RAPH1: variants seen among roughly 807,000 people sequenced by gnomAD.
RAPH1 encodes Ras association (RalGDS/AF-6) and pleckstrin homology domains 1, also known as ras-associated and pleckstrin homology domains-containing protein 1.
RAPH1 carries 18 observed loss-of-function variants against 88.1 expected under a neutral mutation model. The observed-to-expected ratio is 0.20, with a 90% CI of 0.14 to 0.30. The LOEUF (loss-of-function observed/expected upper bound fraction) is 0.30, where lower values mean the gene tolerates loss of function less well. RAPH1 is among the 10% of genes least tolerant of loss of function. RAPH1 has a pLI of 1.00. For synonymous variants in RAPH1, 587 were observed against 559.0 expected, an observed-to-expected ratio of 1.05 and a Z score of -0.71; for missense variants, 1,448 against 1,543.2, an observed-to-expected ratio of 0.94 and a Z score of 1.03.
intron 1 of RAPH1, among the ~76,000 whole-genome samples, chr2:203,528,995 A>ATTT (rs1559508240): frequency 2.5e-5 from 2 of 79,538 alleles, no homozygotes; most frequent in African/African-American, 1.4e-4. Flanking sequence ...ATATATATAT[A>ATTT]TATATATATA....
chr2:203,434,062 A>C lies in RAPH1; in HGVS notation c.*5375T>G, dbSNP rs201945070. On this transcript the variant is annotated 3_prime_UTR_variant, in exon 14 of 14. Coordinates refer to ENST00000319170, the MANE Select transcript of RAPH1 (RefSeq NM_213589.3). ...CATATATCTATCTATCTATCTATAT[A>C]TATATATATATATATATAGCTTTGC... 0.044 allele frequency: 6,451 copies of C among 148,212 alleles called. 160 individuals carry two copies. The highest frequency in any genetic ancestry group is 0.097 in the East Asian group (494 of 5,094). The allele number at this position is 148,212 out of a possible 1,614,324, so 9.2% of individuals were successfully genotyped here. A position where few individuals can be genotyped will look rare whatever the true frequency, so the allele number is the denominator to read the frequency against.
In RAPH1 at chr2:203,492,120, G is replaced by C. The variant is rs533737599; in HGVS notation, c.121-801C>G. On this transcript the variant is annotated intron_variant, in intron 2 of 13. Coordinates refer to ENST00000319170, the MANE Select transcript of RAPH1 (RefSeq NM_213589.3). ...ACAGTGGCGGGCGCCTGTAATCCCA[G>C]CTACTTGGCAGGCTGAGGCAGGAGA... 2.4e-4 allele frequency among the ~76,000 whole-genome samples: 37 copies of C among 151,882 alleles called. No homozygotes were observed. The East Asian group carries it at 6.8e-3, about 28-fold the overall frequency.
chr2:203,515,686 C>T (rs943610009), intron 1 of RAPH1, among the ~76,000 whole-genome samples: 2 of 152,150 alleles, frequency 1.3e-5, no homozygotes, highest in Non-Finnish European at 2.9e-5. Context: ...TAAATTATAT[C>T]CAACTTCTCA....
intron 13 of RAPH1, 88 bp downstream of exon 13, chr2:203,444,780 G>C (rs1275560810): frequency 8.2e-7 from 1 of 1,221,310 alleles, no homozygotes; most frequent in African/African-American, 1.5e-5. Context: ...GGCCAAATAA[G>C]ATCCCCGATA....
chr2:203,439,602 G>T lies in RAPH1; in HGVS notation c.3588C>A (p.Thr1196=). 6.2e-7 allele frequency: 1 copy of T among 1,614,118 alleles called. No individual in the cohort carries two copies. Among genetic ancestry groups the T allele is most frequent in the Non-Finnish European group, 8.5e-7 (1 of 1,180,012 alleles). Residue 1196 remains threonine (T), a synonymous_variant, in exon 14 of 14, where the codon ACC becomes ACA. Transcript: ENST00000319170. ...SRMSRAEPTA[T]MDDMALPPPP... is the part of the protein sequence containing the mutation. ...GTGGAGGCAATGCCATATCATCCATGGTGGCTGTTGGTTCTGCTCTGGACA... is the reference window on the plus strand; with the variant it reads ...GTGGAGGCAATGCCATATCATCCATTGTGGCTGTTGGTTCTGCTCTGGACA...
chr2:203,503,299 A>G (rs1688827641), intron 1 of RAPH1, among the ~76,000 whole-genome samples: 1 of 152,216 alleles, frequency 6.6e-6, no homozygotes, highest in African/African-American at 2.4e-5. Context: ...GTCTGTTTTC[A>G]TGCTGCTGAT....
intron 4 of RAPH1, among the ~76,000 whole-genome samples, chr2:203,480,860 C>T (rs1687689484): frequency 6.6e-6 from 1 of 152,142 alleles, no homozygotes. Context: ...GGTTCAAGCC[C>T]CAGCGTGGCC....
intron 6 of RAPH1, among the ~76,000 whole-genome samples, chr2:203,460,651 T>G (rs1251860196): frequency 2.0e-5 from 3 of 151,864 alleles, no homozygotes; most frequent in Non-Finnish European, 4.4e-5. Flanking sequence ...TATCCAGTTC[T>G]TATTTGAAAA....
chr2:203,505,147 A>G (rs1336590863), intron 1 of RAPH1, among the ~76,000 whole-genome samples: 3 of 152,150 alleles, frequency 2.0e-5, no homozygotes, highest in Non-Finnish European at 4.4e-5. Flanking sequence ...GTATCTTTTC[A>G]GCAACGCCAC....
intron 1 of RAPH1, among the ~76,000 whole-genome samples, chr2:203,534,586 T>C (rs968395973): frequency 3.6e-4 from 48 of 133,024 alleles, no homozygotes; most frequent in Non-Finnish European, 9.2e-5. Flanking sequence ...GGAGACGCGG[T>C]TAAAAAGCAA....
chr2:203,447,875 G>T, intron 12 of RAPH1, 84 bp downstream of exon 12: 1 of 1,409,178 alleles, frequency 7.1e-7, no homozygotes, highest in Non-Finnish European at 9.7e-7. Context: ...TAAGAATCAA[G>T]TTGAAATTTC....
intron 1 of RAPH1, among the ~76,000 whole-genome samples, chr2:203,518,225 A>C (rs1208652062): frequency 6.6e-6 from 1 of 152,196 alleles, no homozygotes; most frequent in African/African-American, 2.4e-5. Flanking sequence ...AAATAAAAGA[A>C]TACTATAAGG....
At chr2:203,461,210 C>A (rs755791158) in intron 6 of RAPH1, 39 bp downstream of exon 6, 7 of 1,382,890 alleles carry the variant, frequency 5.1e-6, no homozygotes, top group Non-Finnish European at 6.8e-6. Flanking sequence ...TGAAATTACA[C>A]AAAAATTAGA....
rs1359465659 is a variant in RAPH1 at position 203,436,170 on chromosome 2, C to G, written c.*3267G>C. The G allele has an allele frequency of 1.3e-5, 2 of 152,142 alleles. No individual in the cohort carries two copies. The highest frequency in any genetic ancestry group is 2.9e-5 in the Non-Finnish European group (2 of 68,018). The allele number at this position is 152,142 out of a possible 1,614,324, so 9.4% of individuals were successfully genotyped here. A position where few individuals can be genotyped will look rare whatever the true frequency, so the allele number is the denominator to read the frequency against. On this transcript the variant is annotated 3_prime_UTR_variant, in exon 14 of 14. Transcript: ENST00000319170. ...CAGTTCACCAAGATAGTTCACAGCCCTTTGCAGGATATGCCTTTGGTGGGT... is the reference window on the plus strand; with the variant it reads ...CAGTTCACCAAGATAGTTCACAGCCGTTTGCAGGATATGCCTTTGGTGGGT...
Position 203,433,870 on chromosome 2 carries a change from A to AAAAC in RAPH1, c.*5563_*5566dup, listed in dbSNP as rs2098495327. On this transcript the variant is annotated 3_prime_UTR_variant, in exon 14 of 14. Transcript: ENST00000319170. ...AAGGATTTGATAAGCTGATATAATG[A>AAAAC]AAACATGTAAATGAAAAACATTTAC... 6.6e-6 allele frequency: 1 copy of AAAAC among 152,594 alleles called. No homozygotes were observed. Among genetic ancestry groups the AAAAC allele is most frequent in the African/African-American group, 2.4e-5 (1 of 41,448 alleles). 9.5% of individuals were successfully genotyped at this position (152,594 alleles called of 1,614,324 possible).
chr2:203,501,252 G>A (rs766732902), intron 1 of RAPH1, among the ~76,000 whole-genome samples: 28 of 152,216 alleles, frequency 1.8e-4, no homozygotes, highest in Admixed American at 1.2e-3. Flanking sequence ...GGAAAGGAAA[G>A]AAGTAGGACA....
At chr2:203,505,863 G>A (rs1043777753) in intron 1 of RAPH1, among the ~76,000 whole-genome samples, 4 of 152,008 alleles carry the variant, frequency 2.6e-5, no homozygotes, top group South Asian at 2.1e-4. Flanking sequence ...ACACACACAC[G>A]GCTGCTCCAC....
rs192427006 is a variant in RAPH1 at position 203,461,817 on chromosome 2, A to T, written c.810+31T>A. The T allele has an allele frequency of 2.4e-4, 378 of 1,550,100 alleles. 4 individuals carry two copies. In the Middle Eastern group the frequency reaches 2.9e-3, roughly 12 times the overall value. On this transcript the variant is annotated intron_variant, in intron 5 of 13. Coordinates refer to ENST00000319170, the MANE Select transcript of RAPH1 (RefSeq NM_213589.3). ...ACAAATCCAAAAAACTGATAAAAAA[A>T]TCCCAAACCAGGAAGAGGCCCACAT...
chr2:203,501,815 GAAAA>G (rs56269110), intron 1 of RAPH1, among the ~76,000 whole-genome samples: 1 of 106,686 alleles, frequency 9.4e-6, no homozygotes, highest in Non-Finnish European at 1.9e-5. Context: ...TAAGCATTAT[GAAAA>G]AAAAAAAAAA....
Sources: gnomAD v4.1 joint callset for allele counts (sites outside exome capture counted in the v4.1 genomes callset) on GRCh38, gnomAD v4.1.1 for gene constraint, MANE v1.5 for transcripts, NCBI Gene and HGNC (gene_info 2026-07-23, HGNC 2026-07-21) for gene names.